The following SGCZ variants were observed in gnomAD, a reference collection of about 807,000 sequenced individuals.
SGCZ encodes zeta-sarcoglycan.
SGCZ carries 40 observed loss-of-function variants against 41.3 expected under a neutral mutation model. The observed-to-expected ratio is 0.97, with a 90% CI of 0.75 to 1.26. The LOEUF is 1.26. Ranked by LOEUF, SGCZ falls within the 50% of genes most tolerant of loss-of-function variation. SGCZ has a pLI of 0.00. For synonymous variants in SGCZ, 206 were observed against 137.5 expected (o/e 1.50, Z -3.49); for missense variants, 552 against 369.8 (o/e 1.49, Z -4.04).
intron 1 of SGCZ, among the ~76,000 whole-genome samples, chr8:14,704,982 C>T (rs1162867904): frequency 6.6e-6 from 1 of 151,920 alleles, no homozygotes; most frequent in Non-Finnish European, 1.5e-5. Flanking sequence ...ACTTTTATAA[C>T]TTTGAAATTG....
intron 2 of SGCZ, among the ~76,000 whole-genome samples, chr8:14,450,993 T>A (rs541789195): frequency 6.6e-6 from 1 of 152,324 alleles, no homozygotes; most frequent in South Asian, 2.1e-4. Context: ...CAATGTGCTG[T>A]GCAAAATACA....
chr8:14,366,559 T>C lies in SGCZ; in HGVS notation c.235-42355A>G, dbSNP rs1038468742. ...CCCCTGGCCCCTCCTAGATCTTATATCCTCACATTTCAAAACCAATCATGC... is the reference window on the plus strand; with the variant it reads ...CCCCTGGCCCCTCCTAGATCTTATACCCTCACATTTCAAAACCAATCATGC... On this transcript the variant is annotated intron_variant, in intron 2 of 7. Transcript: ENST00000382080. 2.5e-4 allele frequency among the ~76,000 whole-genome samples: 38 copies of C among 151,990 alleles called. 1 individual carries two copies. The highest frequency in any genetic ancestry group is 5.6e-4 in the Non-Finnish European group (38 of 67,988).
intron 1 of SGCZ, among the ~76,000 whole-genome samples, chr8:14,664,962 TATTTGTGA>T (rs770407789): frequency 6.6e-6 from 1 of 152,212 alleles, no homozygotes; most frequent in Non-Finnish European, 1.5e-5. Flanking sequence ...CTGGTCAAGC[TATTTGTGA>T]AATACCATTT....
At chr8:15,077,972 C>T (rs1805601249) in intron 1 of SGCZ, among the ~76,000 whole-genome samples, 1 of 149,358 alleles carries the variant, frequency 6.7e-6, no homozygotes, top group Admixed American at 6.7e-5. Context: ...AAGGAACCTG[C>T]ACAGGGTCTT....
Position 14,778,361 on chromosome 8 carries a change from A to C in SGCZ, c.40-223435T>G, listed in dbSNP as rs1800477995. 3.9e-5 allele frequency among the ~76,000 whole-genome samples: 6 copies of C among 152,296 alleles called. No homozygotes were observed. In the South Asian group the frequency reaches 1.2e-3, roughly 32 times the overall value. ...CACTGGTCACTTGAGGACCTAAATG[A>C]ATTTCAGTGAGTCCATTGTATTCTT... On this transcript the variant is annotated intron_variant, in intron 1 of 7. Coordinates refer to ENST00000382080, the MANE Select transcript of SGCZ (RefSeq NM_139167.4).
intron 1 of SGCZ, among the ~76,000 whole-genome samples, chr8:14,830,718 C>T (rs1301200469): frequency 6.6e-6 from 1 of 151,944 alleles, no homozygotes; most frequent in Non-Finnish European, 1.5e-5. Context: ...TCATTATATT[C>T]CCAGTTGGTT....
At chr8:15,132,445 T>C (rs1372828445) in intron 1 of SGCZ, among the ~76,000 whole-genome samples, 2 of 152,166 alleles carry the variant, frequency 1.3e-5, no homozygotes, top group African/African-American at 2.4e-5. Context: ...CTCATGGAGA[T>C]ACAATAGGCA....
rs116979042 is a variant in SGCZ at position 14,775,045 on chromosome 8, T to C, written c.40-220119A>G. Among the ~76,000 whole-genome samples the C allele has an allele frequency of 7.9e-3, 1,208 of 152,270 alleles. 4 individuals are homozygous for C. Among genetic ancestry groups the C allele is most frequent in the Non-Finnish European group, 0.013 (897 of 68,008 alleles). On this transcript the variant is annotated intron_variant, in intron 1 of 7. Transcript: ENST00000382080. ...AAGCACATAAACAAATTATTCACAA[T>C]TATAGTATACTAAATTGTAAAGAAA...
intron 2 of SGCZ, among the ~76,000 whole-genome samples, chr8:14,425,900 T>C (rs914136944): frequency 1.3e-5 from 2 of 151,898 alleles, no homozygotes; most frequent in Non-Finnish European, 2.9e-5. Flanking sequence ...TTAAAGAAGG[T>C]TCAGGGAAGT....
Position 14,388,504 on chromosome 8 carries a change from A to T in SGCZ, c.235-64300T>A, listed in dbSNP as rs926278394. 9.2e-5 allele frequency among the ~76,000 whole-genome samples: 14 copies of T among 152,308 alleles called. 1 individual carries two copies. Among genetic ancestry groups the T allele is most frequent in the Admixed American group, 8.5e-4 (13 of 15,278 alleles). The stretch of plus-strand genomic sequence containing the variant: ...TGATGATTTTAATTTTAAAATAAAT[A>T]TGCACATACACTATGAGAAATAAAA... On this transcript the variant is annotated intron_variant, in intron 2 of 7. Transcript: ENST00000382080.
At chr8:14,408,705 C>G (rs1799275926) in intron 2 of SGCZ, among the ~76,000 whole-genome samples, 1 of 152,122 alleles carries the variant, frequency 6.6e-6, no homozygotes, top group Non-Finnish European at 1.5e-5. Context: ...TCTAGTCCTG[C>G]ATGGCATCTT....
intron 1 of SGCZ, among the ~76,000 whole-genome samples, chr8:14,985,876 A>C (rs981276974): frequency 2.0e-4 from 30 of 152,326 alleles, no homozygotes; most frequent in African/African-American, 6.0e-4. Context: ...CCTTGTTTTC[A>C]AAGGAAATGA....
chr8:14,361,752 G>C (rs1271924073), intron 2 of SGCZ, among the ~76,000 whole-genome samples: 1 of 152,188 alleles, frequency 6.6e-6, no homozygotes, highest in African/African-American at 2.4e-5. Context: ...CTTTGGAGGA[G>C]AAGAGGCATT....
At chr8:14,784,914 A>AAAAATATG (rs59134802) in intron 1 of SGCZ, among the ~76,000 whole-genome samples, 1 of 58,946 alleles carries the variant, frequency 1.7e-5, no homozygotes, top group African/African-American at 8.0e-5. Flanking sequence ...AAAAAAAAAA[A>AAAAATATG]TATATATATA....
At chr8:14,215,424 G>C (rs1805960854) in intron 4 of SGCZ, among the ~76,000 whole-genome samples, 1 of 151,916 alleles carries the variant, frequency 6.6e-6, no homozygotes, top group Admixed American at 6.6e-5. Context: ...GAGGAGAGTA[G>C]TCAAATGAAT....
intron 1 of SGCZ, among the ~76,000 whole-genome samples, chr8:14,645,608 G>C (rs578095323): frequency 6.6e-6 from 1 of 150,856 alleles, no homozygotes; most frequent in South Asian, 2.1e-4. Context: ...AACAGCATCA[G>C]ATTGAAAATG....
At chr8:14,882,972 A>G (rs1177957964) in intron 1 of SGCZ, among the ~76,000 whole-genome samples, 1 of 152,076 alleles carries the variant, frequency 6.6e-6, no homozygotes, top group Non-Finnish European at 1.5e-5. Flanking sequence ...TTCTAATTTT[A>G]TTGATTGCAT....
At chr8:14,252,799 G>C (rs1799329697) in intron 3 of SGCZ, among the ~76,000 whole-genome samples, 1 of 152,176 alleles carries the variant, frequency 6.6e-6, no homozygotes, top group Admixed American at 6.5e-5. Context: ...GGCAGTGCCA[G>C]TTGTCTCTAA....
intron 2 of SGCZ, among the ~76,000 whole-genome samples, chr8:14,342,576 A>T (rs2117082023): frequency 6.6e-6 from 1 of 152,220 alleles, no homozygotes; most frequent in East Asian, 1.9e-4. Flanking sequence ...TAGCTTCCCA[A>T]AGTGCTGGGA....
Sources: allele counts gnomAD v4.1 joint callset (sites outside exome capture counted in the v4.1 genomes callset), GRCh38; gene constraint gnomAD v4.1.1; transcripts MANE v1.5; gene names NCBI Gene and HGNC (gene_info 2026-07-23, HGNC 2026-07-21).